PTPRE: variants seen among roughly 807,000 people sequenced by gnomAD.
PTPRE encodes receptor-type tyrosine-protein phosphatase epsilon.
Under a neutral mutation model 102.0 loss-of-function variants are expected in PTPRE, and 51 were observed. That is an observed-to-expected ratio of 0.50 (90% CI 0.40 to 0.63). The LOEUF is 0.63. Among genes scored for constraint, PTPRE ranks in the 30% least tolerant of loss-of-function variants. PTPRE has a pLI of 0.00. For synonymous variants in PTPRE, 345 were observed against 348.2 expected (o/e 0.99, Z 0.10); for missense variants, 752 against 915.1 (o/e 0.82, Z 2.30).
intron 2 of PTPRE, among the ~76,000 whole-genome samples, chr10:128,027,497 C>T (rs1846369988): frequency 6.6e-6 from 1 of 152,182 alleles, no homozygotes. Flanking sequence ...CTGCTGTAAT[C>T]GTCCTTGTTG....
chr10:127,996,194 T>C (rs1222317638), intron 2 of PTPRE, among the ~76,000 whole-genome samples: 1 of 152,224 alleles, frequency 6.6e-6, no homozygotes, highest in Non-Finnish European at 1.5e-5. Flanking sequence ...ACATGCAATG[T>C]CAGAAGCTTC....
At chr10:128,082,098 G>A (rs1208660910) in intron 20 of PTPRE, among the ~76,000 whole-genome samples, 1 of 151,058 alleles carries the variant, frequency 6.6e-6, no homozygotes, top group Non-Finnish European at 1.5e-5. Context: ...AGTAAATGTA[G>A]GCTTTAAAAT....
chr10:127,969,681 A>AGGGG (rs11460383), intron 1 of PTPRE, among the ~76,000 whole-genome samples: 1 of 94,926 alleles, frequency 1.1e-5, no homozygotes, highest in African/African-American at 3.5e-5. Context: ...GAAAAAAAAA[A>AGGGG]AGGGGGGCGG....
At chr10:128,060,406 A>T (rs1849478777) in intron 7 of PTPRE, among the ~76,000 whole-genome samples, 1 of 152,120 alleles carries the variant, frequency 6.6e-6, no homozygotes, top group African/African-American at 2.4e-5. Context: ...TCTGGGGCAG[A>T]CTCCGGTGGT....
chr10:128,018,652 G>A (rs765893493), intron 2 of PTPRE, among the ~76,000 whole-genome samples: 16 of 152,138 alleles, frequency 1.1e-4, no homozygotes, highest in Admixed American at 3.9e-4. Context: ...TCTCCTCTGC[G>A]ACCAGGGACC....
intron 12 of PTPRE, chr10:128,069,371 T>G (rs190126609): frequency 3.9e-5 from 10 of 258,462 alleles, no homozygotes; most frequent in African/African-American, 1.4e-4. Context: ...GGGACAGATC[T>G]AGGATGCCAA....
rs531274097 is a variant in PTPRE, at chr10:128,008,756, G to A, written c.-8+26460G>A. On this transcript the variant is annotated intron_variant, in intron 2 of 20. Transcript: ENST00000254667. The surrounding 1 kb of genome is among the most constrained non-coding windows in gnomAD (Gnocchi z 4.0). ...CAGAGCTGCCAGCCCTTTCTCAGAA[G>A]CACATCAGCTGAATAAATGCACCAA... Among the ~76,000 whole-genome samples the A allele has an allele frequency of 4.6e-5, 7 of 152,298 alleles. 1 individual carries two copies. In the South Asian group the frequency reaches 1.5e-3, roughly 32 times the overall value.
At chr10:127,995,824 C>CACACAA in intron 2 of PTPRE, among the ~76,000 whole-genome samples, 1 of 20,264 alleles carries the variant, frequency 4.9e-5, no homozygotes. Context: ...TCTACACGAG[C>CACACAA]ACACACACAC....
intron 2 of PTPRE, among the ~76,000 whole-genome samples, chr10:127,997,315 T>A (rs1347296390): frequency 6.6e-6 from 1 of 152,216 alleles, no homozygotes; most frequent in Non-Finnish European, 1.5e-5. Flanking sequence ...GGAAAAGTTA[T>A]GGCGTCCACA....
At position 127,944,626 on chromosome 10, in the gene PTPRE, GC is replaced by G. The variant is rs1848503413; in HGVS notation, c.-31+37320del. 6.6e-6 allele frequency among the ~76,000 whole-genome samples: 1 copy of G among 152,254 alleles called. No homozygotes were observed. Among genetic ancestry groups the G allele is most frequent in the South Asian group, 2.1e-4 (1 of 4,818 alleles). ...AGTAGGCAGAAACTGGATCATGAAGGCCCTATAAGGATTTTGCACATAATAG... is the reference window on the plus strand; with the variant it reads ...AGTAGGCAGAAACTGGATCATGAAGGCCTATAAGGATTTTGCACATAATAG... On this transcript the variant is annotated intron_variant, in intron 1 of 20. Transcript: ENST00000254667. This position sits in a 1 kb window ranked among gnomAD's most constrained non-coding sequence, Gnocchi z 4.2.
chr10:128,047,502 C>G lies in PTPRE; in HGVS notation c.209+13C>G. On this transcript the variant is annotated intron_variant, in intron 4 of 20. Transcript: ENST00000254667. ...CCTACTTCTTCAGGTAGGAGTGTCC[C>G]GGGGCACTGACTTGCCCCAACCAGC... 1.2e-6 allele frequency: 2 copies of G among 1,613,152 alleles called. No individual in the cohort carries two copies. Among genetic ancestry groups the G allele is most frequent in the Non-Finnish European group, 1.7e-6 (2 of 1,179,996 alleles).
Position 128,073,450 on chromosome 10 carries a change from G to C in PTPRE, c.1578G>C (p.Thr526=), listed in dbSNP as rs376614299. Residue 526 remains threonine (T), a synonymous_variant, in exon 17 of 21, where the codon ACG becomes ACC. Transcript: ENST00000254667. ...EWKSHTIVML[T]EVQEREQDKC... ...AATCCCACACTATCGTGATGCTGAC[G>C]GAGGTGCAGGAGAGAGAGCAGGTGA... 1 of 1,614,040 alleles carries C rather than the reference G, an allele frequency of 6.2e-7. No homozygotes were observed. Among genetic ancestry groups the C allele is most frequent in the Non-Finnish European group, 8.5e-7 (1 of 1,179,984 alleles).
rs182781138 is a variant in PTPRE, at chr10:128,019,561, C to T, written c.-7-21314C>T. ...ATCTGCCTTGAGTAGCCAGAGCTGG[C>T]ACAAAGGGAATGGGAACCCTGAACA... On this transcript the variant is annotated intron_variant, in intron 2 of 20. Coordinates refer to ENST00000254667, the MANE Select transcript of PTPRE (RefSeq NM_006504.6). 3.0e-4 allele frequency among the ~76,000 whole-genome samples: 45 copies of T among 152,290 alleles called. 1 individual carries two copies. The highest frequency in any genetic ancestry group is 1.1e-3 in the African/African-American group (45 of 41,558).
At chr10:128,016,331 T>TA (rs1249511408) in intron 2 of PTPRE, among the ~76,000 whole-genome samples, 1 of 152,180 alleles carries the variant, frequency 6.6e-6, no homozygotes, top group Non-Finnish European at 1.5e-5. Context: ...CAGCTTCTGT[T>TA]ACAGTAAATT....
At chr10:128,043,441 C>T (rs571412710) in intron 3 of PTPRE, among the ~76,000 whole-genome samples, 2 of 152,306 alleles carry the variant, frequency 1.3e-5, no homozygotes, top group African/African-American at 4.8e-5. Context: ...TGACGGGGGG[C>T]GGCGCTCAGG....
chr10:127,946,861 C>G (rs910655762), intron 1 of PTPRE, among the ~76,000 whole-genome samples: 2 of 152,050 alleles, frequency 1.3e-5, no homozygotes, highest in Non-Finnish European at 2.9e-5. Flanking sequence ...TCGTGAGACC[C>G]TGGCTCTGCT....
intron 8 of PTPRE, 27 bp from the exon 9 acceptor site, chr10:128,061,652 A>C: frequency 6.3e-7 from 1 of 1,578,770 alleles, no homozygotes; most frequent in Non-Finnish European, 8.6e-7. Context: ...TTCTGAAAAA[A>C]TATAAATCTG....
intron 2 of PTPRE, among the ~76,000 whole-genome samples, chr10:128,027,361 G>A (rs112375405): frequency 4.6e-5 from 7 of 152,280 alleles, no homozygotes; most frequent in African/African-American, 1.7e-4. Context: ...CTGCATGGTG[G>A]AGGGATGCCT....
At chr10:128,046,354 C>A (rs542989683) in intron 3 of PTPRE, among the ~76,000 whole-genome samples, 2 of 152,172 alleles carry the variant, frequency 1.3e-5, no homozygotes, top group Non-Finnish European at 2.9e-5. Flanking sequence ...GCGCATGGAC[C>A]CTGCGCTGGG....
Sources: allele counts gnomAD v4.1 joint callset (sites outside exome capture counted in the v4.1 genomes callset), GRCh38; gene constraint gnomAD v4.1.1; non-coding constraint Gnocchi (gnomAD v3.1); transcripts MANE v1.5; gene names NCBI Gene and HGNC (gene_info 2026-07-23, HGNC 2026-07-21).